ERC1: variants seen among roughly 807,000 people sequenced by gnomAD.
The protein encoded by ERC1 is ELKS/RAB6-interacting/CAST family member 1.
Under a neutral mutation model 132.0 loss-of-function variants are expected in ERC1, and 56 were observed. The observed-to-expected ratio is 0.42, with a 90% CI of 0.34 to 0.53. The LOEUF is 0.53. Among genes scored for constraint, ERC1 ranks in the 20% least tolerant of loss-of-function variants. The pLI is 0.03. For synonymous variants in ERC1, 478 were observed against 476.1 expected (o/e 1.00, Z -0.05); for missense variants, 1,202 against 1,349.9 (o/e 0.89, Z 1.72).
chr12:1,405,380 A>G (rs964991442), intron 16 of ERC1, among the ~76,000 whole-genome samples: 6 of 151,950 alleles, frequency 3.9e-5, no homozygotes, highest in Non-Finnish European at 8.8e-5. Flanking sequence ...TAAAGAACCT[A>G]AATCTTCAAC....
intron 12 of ERC1, among the ~76,000 whole-genome samples, chr12:1,200,890 T>C (rs1956854596): frequency 6.6e-6 from 1 of 152,128 alleles, no homozygotes; most frequent in Non-Finnish European, 1.5e-5. Context: ...GCCCATAATA[T>C]TCAGACCCTT....
intron 2 of ERC1, among the ~76,000 whole-genome samples, chr12:1,061,935 T>C (rs7979637): frequency 0.51 from 76,722 of 150,714 alleles, 21,401 homozygotes; most frequent in East Asian, 0.79. Context: ...TTTGTACTGC[T>C]TTTGCTGTTT....
At chr12:1,306,040 C>T (rs1022056029) in intron 15 of ERC1, among the ~76,000 whole-genome samples, 6 of 152,116 alleles carry the variant, frequency 3.9e-5, no homozygotes, top group African/African-American at 1.4e-4. Flanking sequence ...CTTAAAACTT[C>T]TGCCTTTACC....
intron 8 of ERC1, among the ~76,000 whole-genome samples, chr12:1,143,334 GT>G (rs1950030666): frequency 2.2e-5 from 1 of 46,106 alleles, no homozygotes; most frequent in African/African-American, 3.1e-4. Context: ...TGACTCGTGT[GT>G]GTGTGTGTGT....
chr12:1,443,101 A>G (rs898540258), intron 17 of ERC1, among the ~76,000 whole-genome samples: 2 of 151,938 alleles, frequency 1.3e-5, no homozygotes, highest in African/African-American at 2.4e-5. Flanking sequence ...GGGTTTCACC[A>G]TGTTAGCCAG....
chr12:1,289,427 A>G (rs1379560094), intron 14 of ERC1, among the ~76,000 whole-genome samples: 4 of 151,978 alleles, frequency 2.6e-5, no homozygotes, highest in Admixed American at 1.3e-4. Context: ...TTATTCGTCT[A>G]TGTATACAGG....
chr12:1,301,837 AAAAG>A (rs1313217856), intron 15 of ERC1, among the ~76,000 whole-genome samples: 2 of 152,242 alleles, frequency 1.3e-5, no homozygotes, highest in East Asian at 1.9e-4. Flanking sequence ...AAAAGAAAGA[AAAAG>A]AAATAGAATT....
chr12:1,352,728 A>C (rs2085127338), intron 15 of ERC1, among the ~76,000 whole-genome samples: 1 of 152,224 alleles, frequency 6.6e-6, no homozygotes, highest in Non-Finnish European at 1.5e-5. Context: ...TGAGAGAATG[A>C]AAATCATGTG....
At chr12:1,258,748 TGAAAG>T (rs958010920) in intron 13 of ERC1, among the ~76,000 whole-genome samples, 5 of 152,236 alleles carry the variant, frequency 3.3e-5, no homozygotes, top group African/African-American at 1.2e-4. Flanking sequence ...TCAAAAGACT[TGAAAG>T]GAATTTCTTA....
intron 13 of ERC1, among the ~76,000 whole-genome samples, chr12:1,241,129 A>G (rs1481609587): frequency 6.6e-6 from 1 of 152,218 alleles, no homozygotes; most frequent in Non-Finnish European, 1.5e-5. Flanking sequence ...GTTACCAAAG[A>G]TGAACTAATT....
chr12:1,469,444 G>A (rs961577098), intron 18 of ERC1, among the ~76,000 whole-genome samples: 2 of 152,216 alleles, frequency 1.3e-5, no homozygotes, highest in African/African-American at 2.4e-5. Flanking sequence ...TGGGCCCACC[G>A]CCCTCTCCAG....
At chr12:1,183,200 C>T in intron 10 of ERC1, 81 bp from the exon 11 acceptor site, 2 of 899,888 alleles carry the variant, frequency 2.2e-6, no homozygotes, top group South Asian at 3.1e-5. Flanking sequence ...AAGGAAATTA[C>T]AGCTACCATG....
chr12:1,092,001 C>CTTTTT (rs34377863), intron 3 of ERC1, among the ~76,000 whole-genome samples: 22,126 of 137,476 alleles, frequency 0.16, 2,337 homozygotes, highest in Non-Finnish European at 0.23. Context: ...TTAATCAATT[C>CTTTTT]TTTTTTTTTT....
chr12:1,192,553 C>T (rs1052262641), intron 12 of ERC1, among the ~76,000 whole-genome samples: 4 of 152,022 alleles, frequency 2.6e-5, no homozygotes, highest in Non-Finnish European at 5.9e-5. Context: ...GGGTTTTTGG[C>T]GTCTGTGTGT....
chr12:1,217,570 G>A (rs1249273283), intron 12 of ERC1, among the ~76,000 whole-genome samples: 2 of 152,118 alleles, frequency 1.3e-5, no homozygotes, highest in African/African-American at 2.4e-5. Flanking sequence ...ATTGTTACCC[G>A]TCAGAATTCT....
At chr12:1,386,362 A>G (rs555645988) in intron 16 of ERC1, among the ~76,000 whole-genome samples, 42 of 151,594 alleles carry the variant, frequency 2.8e-4, no homozygotes, top group Non-Finnish European at 4.6e-4. Flanking sequence ...ATTGAAATGC[A>G]TGCAGCCAGG....
intron 18 of ERC1, among the ~76,000 whole-genome samples, chr12:1,447,296 T>A (rs754399748): frequency 1.3e-5 from 2 of 152,014 alleles, no homozygotes; most frequent in Non-Finnish European, 2.9e-5. Context: ...GGTGGGAGAA[T>A]CCCTTGAGCC....
chr12:1,105,533 A>G (rs1384162777), intron 4 of ERC1, among the ~76,000 whole-genome samples: 1 of 151,612 alleles, frequency 6.6e-6, no homozygotes, highest in East Asian at 1.9e-4. Context: ...AATTTTTTGT[A>G]TTTTTAGTAG....
At chr12:1,466,196 G>C (rs1010916572) in intron 18 of ERC1, among the ~76,000 whole-genome samples, 3 of 152,138 alleles carry the variant, frequency 2.0e-5, no homozygotes, top group African/African-American at 7.2e-5. Context: ...GGTCGGCAGG[G>C]TTGGTTTCTC....
Sources: allele counts gnomAD v4.1 joint callset (sites outside exome capture counted in the v4.1 genomes callset), GRCh38; gene constraint gnomAD v4.1.1; transcripts MANE v1.5; gene names NCBI Gene and HGNC (gene_info 2026-07-23, HGNC 2026-07-21).